The following EXT2 variants were observed in gnomAD, a reference collection of about 807,000 sequenced individuals.
EXT2 encodes the protein exostosin glycosyltransferase 2.
A neutral mutation model predicts 81.6 loss-of-function variants in EXT2; 53 were observed. That is an observed-to-expected ratio of 0.65 (90% CI 0.52 to 0.82). The LOEUF is 0.82. Among genes scored for constraint, EXT2 ranks in the 40% least tolerant of loss-of-function variants. The probability of loss-of-function intolerance (pLI) is 0.00; values close to 1 mark genes in which losing one functional copy is unlikely to be tolerated. For synonymous variants in EXT2, 320 were observed against 340.0 expected (o/e 0.94, Z 0.65); for missense variants, 774 against 910.2 (o/e 0.85, Z 1.93).
chr11:44,194,766 A>G (rs1184467265), intron 8 of EXT2, among the ~76,000 whole-genome samples: 1 of 152,142 alleles, frequency 6.6e-6, no homozygotes, highest in East Asian at 1.9e-4. Flanking sequence ...AATATCACAC[A>G]TTAAATCATT....
At chr11:44,170,901 A>G (rs1955063615) in intron 7 of EXT2, among the ~76,000 whole-genome samples, 1 of 151,952 alleles carries the variant, frequency 6.6e-6, no homozygotes, top group South Asian at 2.1e-4. Flanking sequence ...TTCTTTGAGG[A>G]ATTCCTCTAA....
At chr11:44,181,080 A>G (rs1170032946) in intron 8 of EXT2, among the ~76,000 whole-genome samples, 3 of 151,662 alleles carry the variant, frequency 2.0e-5, no homozygotes, top group Non-Finnish European at 2.9e-5. Context: ...CAGCCTGGGC[A>G]ACAGAGTAAG....
At chr11:44,130,286 G>GTTAGGTGAGTTGCAT (rs1954473869) in intron 7 of EXT2, 148 bp downstream of exon 7, 1 of 714,234 alleles carries the variant, frequency 1.4e-6, no homozygotes, top group Admixed American at 2.0e-5. Flanking sequence ...GGAAATTAAT[G>GTTAGGTGAGTTGCAT]TTAGGTGAGT....
intron 13 of EXT2, 36 bp from the exon 14 acceptor site, chr11:44,244,113 A>G: frequency 6.2e-7 from 1 of 1,610,920 alleles, no homozygotes; most frequent in Non-Finnish European, 8.5e-7. Flanking sequence ...ATTCTGCTCA[A>G]ACCCCTCCTC....
rs1326406082 is a variant in EXT2 at position 44,096,301 on chromosome 11, T to G, written c.-31+449T>G. ...TGGTGGCCTGCGGCATCCCTTGCGG[T>G]GCCAGAAGCCGTGGGACGAGGTAGG... On this transcript the variant is annotated intron_variant, in intron 1 of 13. Coordinates refer to ENST00000533608, the MANE Select transcript of EXT2 (RefSeq NM_207122.2). 3.9e-6 allele frequency: 6 copies of G among 1,535,610 alleles called. No homozygotes were observed. The African/African-American group carries it at 8.2e-5, about 21-fold the overall frequency.
intron 7 of EXT2, among the ~76,000 whole-genome samples, chr11:44,138,781 A>G (rs770532602): frequency 3.3e-5 from 5 of 152,150 alleles, no homozygotes; most frequent in Non-Finnish European, 5.9e-5. Context: ...GGTGTGTACC[A>G]GTTTTGTAGC....
chr11:44,169,868 C>T (rs762583103), intron 7 of EXT2, among the ~76,000 whole-genome samples: 2 of 151,856 alleles, frequency 1.3e-5, no homozygotes, highest in South Asian at 2.1e-4. Flanking sequence ...ATATGCTTTT[C>T]GCAATAGACA....
intron 13 of EXT2, among the ~76,000 whole-genome samples, chr11:44,241,086 A>G (rs977518489): frequency 6.6e-6 from 1 of 152,150 alleles, no homozygotes; most frequent in Non-Finnish European, 1.5e-5. Flanking sequence ...TCAGTAGCTC[A>G]TTTATTCCTA....
At chr11:44,105,473 G>A (rs1954041157) in intron 1 of EXT2, among the ~76,000 whole-genome samples, 1 of 152,116 alleles carries the variant, frequency 6.6e-6, no homozygotes, top group Non-Finnish European at 1.5e-5. Flanking sequence ...TGTATTTTTA[G>A]TAGAGACAGG....
chr11:44,225,507 T>G (rs1955829383), intron 10 of EXT2, among the ~76,000 whole-genome samples: 1 of 152,180 alleles, frequency 6.6e-6, no homozygotes, highest in Non-Finnish European at 1.5e-5. Flanking sequence ...CCCTACCTGG[T>G]TCTATTCTGA....
At chr11:44,136,044 T>C (rs566686753) in intron 7 of EXT2, among the ~76,000 whole-genome samples, 25 of 152,246 alleles carry the variant, frequency 1.6e-4, no homozygotes, top group Non-Finnish European at 3.2e-4. Flanking sequence ...TTGTGTAATA[T>C]GTTTTATAAA....
intron 10 of EXT2, among the ~76,000 whole-genome samples, chr11:44,224,921 C>A (rs891843976): frequency 5.9e-5 from 9 of 152,144 alleles, no homozygotes; most frequent in Non-Finnish European, 1.3e-4. Context: ...AAACTGAAGT[C>A]TCTGTTTCCA....
At chr11:44,221,700 T>C (rs1564982306) in intron 10 of EXT2, among the ~76,000 whole-genome samples, 1 of 152,102 alleles carries the variant, frequency 6.6e-6, no homozygotes, top group Non-Finnish European at 1.5e-5. Flanking sequence ...AGGGCCAGGG[T>C]AAATCAGAGC....
chr11:44,108,069 C>T lies in EXT2; in HGVS notation c.357C>T (p.Gly119=), dbSNP rs753325648. The T allele has an allele frequency of 4.1e-5, 66 of 1,614,052 alleles. No homozygotes were observed. The highest frequency in any genetic ancestry group is 1.5e-4 in the African/African-American group (11 of 74,918). The change falls in exon 2 of 14, where the codon GGC becomes GGT. Residue 119 remains glycine, a synonymous_variant. Transcript: ENST00000533608. ...TGAAAAAGTACGTGGATGACTTTGG[C>T]GTCTCTGTCAGCAACACCATCTCCC... The part of the protein sequence containing the change: ...YALKKYVDDF[G]VSVSNTISRE...
intron 10 of EXT2, among the ~76,000 whole-genome samples, chr11:44,207,783 C>T (rs1955601067): frequency 6.6e-6 from 1 of 151,990 alleles, no homozygotes; most frequent in Non-Finnish European, 1.5e-5. Flanking sequence ...ATATTTAGTA[C>T]ATGTATTTAT....
chr11:44,166,274 G>A (rs1475881354), intron 7 of EXT2, among the ~76,000 whole-genome samples: 1 of 152,190 alleles, frequency 6.6e-6, no homozygotes, highest in African/African-American at 2.4e-5. Flanking sequence ...GATCAGTAAA[G>A]GTTTCATAGG....
intron 9 of EXT2, among the ~76,000 whole-genome samples, chr11:44,199,364 G>A (rs889308294): frequency 6.6e-6 from 1 of 152,258 alleles, no homozygotes; most frequent in Non-Finnish European, 1.5e-5. Context: ...CCTTTCTCCA[G>A]AGTGAAGTGA....
At position 44,171,612 on chromosome 11, in the gene EXT2, C is replaced by T. The variant is rs757866788; in HGVS notation, c.1175C>T (p.Ala392Val). The T allele has an allele frequency of 1.9e-6, 3 of 1,614,120 alleles. No homozygotes were observed. Among genetic ancestry groups the T allele is most frequent in the South Asian group, 2.2e-5 (2 of 91,082 alleles). The part of the protein sequence containing the change: ...QRQIEEMQRQ[A>V]RWFWEAYFQS... ...AAAACAGCATTATTTTCTTTATAGG[C>T]CCGGTGGTTCTGGGAAGCGTACTTC... The change falls in exon 8 of 14, where the codon GCC (alanine) becomes GTC (valine). Residue 392 changes from alanine (A) to valine (V), a missense_variant and splice_region_variant. Ala to Val is a moderately conservative substitution (Grantham distance 64). Transcript: ENST00000533608.
chr11:44,132,339 C>G (rs974286698), intron 7 of EXT2, among the ~76,000 whole-genome samples: 3 of 152,124 alleles, frequency 2.0e-5, no homozygotes, highest in African/African-American at 7.2e-5. Context: ...AGTGTTGGCT[C>G]AGAATCATAG....
Sources: allele counts gnomAD v4.1 joint callset (sites outside exome capture counted in the v4.1 genomes callset), GRCh38; gene constraint gnomAD v4.1.1; transcripts MANE v1.5; gene names NCBI Gene and HGNC (gene_info 2026-07-23, HGNC 2026-07-21).